XKR4: variants seen among roughly 807,000 people sequenced by gnomAD.
XKR4 encodes XK-related protein 4.
A neutral mutation model predicts 53.9 loss-of-function variants in XKR4; 12 were observed. The ratio of observed to expected loss-of-function variants is 0.22; its 90% CI spans 0.14 to 0.36. The LOEUF (loss-of-function observed/expected upper bound fraction) is 0.36, where lower values mean the gene tolerates loss of function less well. Among genes scored for constraint, XKR4 ranks in the 10% least tolerant of loss-of-function variants. The pLI, the probability that XKR4 is intolerant of heterozygous loss-of-function variation, is 1.00. For synonymous variants in XKR4, 354 were observed against 362.4 expected, an observed-to-expected ratio of 0.98 and a Z score of 0.26; for missense variants, 799 against 859.5, an observed-to-expected ratio of 0.93 and a Z score of 0.88.
At chr8:55,208,857 G>A (rs1817685471) in intron 1 of XKR4, among the ~76,000 whole-genome samples, 1 of 152,202 alleles carries the variant, frequency 6.6e-6, no homozygotes, top group South Asian at 2.1e-4. Flanking sequence ...GCTGATGCAT[G>A]TGAATGGACA....
At position 55,102,543 on chromosome 8, in the gene XKR4, T is replaced by C. The variant is rs370324861; in HGVS notation, c.55T>C (p.Phe19Leu). ...AATGAAGAAAAGCAGCGACGTGGCGTTCACCCCGCTGCAGAACTCGGACCA... is the reference window on the plus strand; with the variant it reads ...AATGAAGAAAAGCAGCGACGTGGCGCTCACCCCGCTGCAGAACTCGGACCA... ...LKMKKSSDVA[F>L]TPLQNSDHSG... is the part of the protein sequence containing the mutation. Residue 19 changes from phenylalanine to leucine, a missense_variant, in exon 1 of 3, where the codon TTC (phenylalanine) becomes CTC (leucine). Around this residue, in one of 3 missense-constraint regions of XKR4, gnomAD observed 476 missense variants for 505.4 expected, o/e 0.94. Transcript: ENST00000327381. This position sits in a 1 kb window ranked among gnomAD's most constrained non-coding sequence, Gnocchi z 5.1. The C allele has an allele frequency of 8.4e-6, 13 of 1,551,394 alleles. No homozygotes were observed. The highest frequency in any genetic ancestry group is 1.1e-5 in the Non-Finnish European group (13 of 1,145,550).
At chr8:55,116,906 G>A (rs1816316065) in intron 1 of XKR4, among the ~76,000 whole-genome samples, 1 of 152,132 alleles carries the variant, frequency 6.6e-6, no homozygotes, top group Non-Finnish European at 1.5e-5. Context: ...ACCCACCTGT[G>A]TCCGCTGAGC....
intron 1 of XKR4, among the ~76,000 whole-genome samples, chr8:55,251,015 C>A (rs1051862744): frequency 1.3e-5 from 2 of 152,144 alleles, no homozygotes; most frequent in African/African-American, 4.8e-5. Context: ...AGGAATCCAA[C>A]AGGGACGAAG....
intron 1 of XKR4, among the ~76,000 whole-genome samples, chr8:55,143,358 TG>T (rs1374402406): frequency 2.0e-5 from 3 of 152,220 alleles, no homozygotes; most frequent in African/African-American, 7.2e-5. Context: ...CTTTTAATAA[TG>T]ATTTTAAAGT....
intron 1 of XKR4, among the ~76,000 whole-genome samples, chr8:55,276,224 T>C (rs1317185374): frequency 2.0e-5 from 3 of 152,228 alleles, no homozygotes; most frequent in Non-Finnish European, 4.4e-5. Context: ...CCTCGATGAC[T>C]CGTTTATTTA....
chr8:55,419,477 C>T (rs752738967), intron 2 of XKR4, among the ~76,000 whole-genome samples: 4 of 152,186 alleles, frequency 2.6e-5, no homozygotes, highest in African/African-American at 7.2e-5. Context: ...TGATTCAATA[C>T]GAACTACTAG....
At position 55,537,584 on chromosome 8, in the gene XKR4, A is replaced by G. The variant is rs1807047526; in HGVS notation, c.*13357A>G. 6.6e-6 allele frequency: 1 copy of G among 152,244 alleles called. No individual in the cohort carries two copies. The allele number at this position is 152,244 out of a possible 1,614,324, so 9.4% of individuals were successfully genotyped here. On this transcript the variant is annotated 3_prime_UTR_variant, in exon 3 of 3. Transcript: ENST00000327381. The stretch of plus-strand genomic sequence containing the variant: ...GCAAAGATATTGAGGGGATTTCCAG[A>G]GAAAACTTAAATGTTTTGAAGATTT...
chr8:55,156,899 T>A (rs13269034), intron 1 of XKR4, among the ~76,000 whole-genome samples: 1 of 152,144 alleles, frequency 6.6e-6, no homozygotes, highest in Non-Finnish European at 1.5e-5. Flanking sequence ...TCTGAGAAAA[T>A]TGTTAACAAT....
chr8:55,352,354 G>C (rs1193454875), intron 1 of XKR4, among the ~76,000 whole-genome samples: 1 of 152,228 alleles, frequency 6.6e-6, no homozygotes, highest in Non-Finnish European at 1.5e-5. Context: ...TTCAATGAGT[G>C]TGGGAACATA....
At chr8:55,129,591 GA>G (rs955133423) in intron 1 of XKR4, among the ~76,000 whole-genome samples, 1 of 152,162 alleles carries the variant, frequency 6.6e-6, no homozygotes, top group Non-Finnish European at 1.5e-5. Flanking sequence ...CCAGATTTTT[GA>G]GAGTGGTGGA....
At chr8:55,310,519 A>G (rs1176425222) in intron 1 of XKR4, among the ~76,000 whole-genome samples, 1 of 152,218 alleles carries the variant, frequency 6.6e-6, no homozygotes, top group Admixed American at 6.5e-5. Context: ...AGATCTAAAG[A>G]TTCAAATTAT....
chr8:55,111,339 T>A (rs2129350960), intron 1 of XKR4, among the ~76,000 whole-genome samples: 1 of 152,314 alleles, frequency 6.6e-6, no homozygotes, highest in East Asian at 1.9e-4. Context: ...AAAGTTCTGA[T>A]TCTGCTCTTA....
intron 1 of XKR4, among the ~76,000 whole-genome samples, chr8:55,146,704 T>C (rs1816776442): frequency 6.6e-6 from 1 of 152,256 alleles, no homozygotes. Context: ...TGCTCTGCTG[T>C]CTGGGTCAAA....
chr8:55,102,481 G>T lies in XKR4; in HGVS notation c.-8G>T. 6.5e-7 allele frequency: 1 copy of T among 1,547,852 alleles called. No homozygotes were observed. Among genetic ancestry groups the T allele is most frequent in the South Asian group, 1.1e-5 (1 of 88,516 alleles). On this transcript the variant is annotated 5_prime_UTR_variant, in exon 1 of 3. Transcript: ENST00000327381. This position sits in a 1 kb window ranked among gnomAD's most constrained non-coding sequence, Gnocchi z 5.1. ...TAAAGGAGGGCTCTCCTCCGGTGTG[G>T]AGGCATCATGGCCGCTAAATCAGAC...
intron 1 of XKR4, among the ~76,000 whole-genome samples, chr8:55,344,718 C>A (rs1344987553): frequency 6.6e-6 from 1 of 152,142 alleles, no homozygotes; most frequent in African/African-American, 2.4e-5. Context: ...ACCTTCCTTC[C>A]AAGTTCAGCA....
intron 1 of XKR4, among the ~76,000 whole-genome samples, chr8:55,202,945 C>T (rs1353729600): frequency 6.6e-6 from 1 of 152,180 alleles, no homozygotes; most frequent in Non-Finnish European, 1.5e-5. Context: ...GTGGATCCAG[C>T]CACAGCTGGA....
chr8:55,106,209 T>C (rs1051299980), intron 1 of XKR4, among the ~76,000 whole-genome samples: 2 of 152,190 alleles, frequency 1.3e-5, no homozygotes. Context: ...AAAAGCTTTC[T>C]CTAAATACAG....
At chr8:55,508,698 T>C (rs571614942) in intron 2 of XKR4, among the ~76,000 whole-genome samples, 16 of 152,308 alleles carry the variant, frequency 1.1e-4, no homozygotes, top group Non-Finnish European at 1.5e-5. Flanking sequence ...CCCTGAGCAT[T>C]CCCAGGGGCT....
chr8:55,175,286 G>A (rs1435112936), intron 1 of XKR4, among the ~76,000 whole-genome samples: 1 of 152,174 alleles, frequency 6.6e-6, no homozygotes, highest in African/African-American at 2.4e-5. Flanking sequence ...GTAACTGAAA[G>A]ATTCAACAGA....
Sources: gnomAD v4.1 joint callset for allele counts (sites outside exome capture counted in the v4.1 genomes callset) on GRCh38, gnomAD v4.1.1 for gene constraint, gnomAD v4.1.1 regional missense constraint, Gnocchi (gnomAD v3.1) non-coding constraint, MANE v1.5 for transcripts, NCBI Gene and HGNC (gene_info 2026-07-23, HGNC 2026-07-21) for gene names.